The following RBSN variants were observed in gnomAD, a reference collection of about 807,000 sequenced individuals.
RBSN encodes the protein rabenosyn-5.
RBSN carries 34 observed loss-of-function variants against 60.5 expected under a neutral mutation model. The ratio of observed to expected loss-of-function variants is 0.56; its 90% confidence interval spans 0.43 to 0.75. The LOEUF is 0.75. Ranked by LOEUF, RBSN falls within the 30% of genes least tolerant of loss-of-function variation. RBSN has a pLI of 0.00. For synonymous variants in RBSN, 322 were observed against 366.9 expected (o/e 0.88, Z 1.40); for missense variants, 845 against 986.8 (o/e 0.86, Z 1.92).
chr3:15,093,686 G>A (rs749822875), intron 4 of RBSN, among the ~76,000 whole-genome samples: 8 of 151,750 alleles, frequency 5.3e-5, no homozygotes, highest in Non-Finnish European at 8.8e-5. Context: ...CACCGCACCC[G>A]GCTGAAGTAA....
intron 4 of RBSN, among the ~76,000 whole-genome samples, chr3:15,092,374 TA>T (rs2125182803): frequency 6.6e-6 from 1 of 152,186 alleles, no homozygotes; most frequent in Non-Finnish European, 1.5e-5. Flanking sequence ...GGACATCCTT[TA>T]AAATGCACTA....
chr3:15,076,984 G>T, intron 12 of RBSN, 78 bp downstream of exon 12: 3 of 1,184,224 alleles, frequency 2.5e-6, no homozygotes, highest in Non-Finnish European at 3.8e-6. Flanking sequence ...CAAGTCATTG[G>T]CATGGATCTG....
intron 10 of RBSN, among the ~76,000 whole-genome samples, chr3:15,079,858 C>T (rs1232503940): frequency 2.0e-5 from 3 of 151,266 alleles, no homozygotes; most frequent in Admixed American, 6.6e-5. Context: ...TGGTAATGTT[C>T]GCTAATTTTG....
intron 2 of RBSN, 35 bp downstream of exon 2, chr3:15,098,084 C>G (rs933155836): frequency 3.3e-5 from 5 of 152,522 alleles, no homozygotes; most frequent in Non-Finnish European, 7.3e-5. Context: ...CAGCCCAAAC[C>G]CAAACCTCAC....
chr3:15,090,381 A>G lies in RBSN; in HGVS notation c.289+18T>C. On this transcript the variant is annotated intron_variant, in intron 5 of 13. Transcript: ENST00000253699. The stretch of plus-strand genomic sequence containing the variant: ...TGCTCAATAACCACTTGCTGAATGA[A>G]TAAATGAATTTTCTTACCAAGCTCC... The G allele has an allele frequency of 6.2e-7, 1 of 1,611,326 alleles. No individual in the cohort carries two copies. Among genetic ancestry groups the G allele is most frequent in the Admixed American group, 1.7e-5 (1 of 59,174 alleles).
intron 12 of RBSN, among the ~76,000 whole-genome samples, 157 bp downstream of exon 12, chr3:15,076,905 T>G (rs555987366): frequency 5.3e-5 from 8 of 152,336 alleles, no homozygotes; most frequent in Non-Finnish European, 1.2e-4. Flanking sequence ...GAAATCCAGA[T>G]TTTTCTCTAA....
intron 4 of RBSN, chr3:15,095,759 G>C (rs1356894297): frequency 4.8e-6 from 3 of 622,846 alleles, no homozygotes; most frequent in Non-Finnish European, 8.2e-6. Flanking sequence ...TGTCTGGTTC[G>C]AAATGTGGCT....
intron 6 of RBSN, among the ~76,000 whole-genome samples, chr3:15,085,628 G>T (rs1032763930): frequency 6.6e-6 from 1 of 152,164 alleles, no homozygotes; most frequent in Non-Finnish European, 1.5e-5. Flanking sequence ...ATTCATAGGT[G>T]GGAAAAGGGA....
chr3:15,094,741 C>T (rs575740925), intron 4 of RBSN, among the ~76,000 whole-genome samples: 22 of 152,134 alleles, frequency 1.4e-4, no homozygotes, highest in Non-Finnish European at 3.1e-4. Flanking sequence ...ACTGTTTATG[C>T]TTTTAGAAAC....
intron 2 of RBSN, among the ~76,000 whole-genome samples, chr3:15,097,521 A>G (rs912737456): frequency 3.3e-5 from 5 of 151,186 alleles, no homozygotes; most frequent in Admixed American, 1.3e-4. Flanking sequence ...ATCTCAAAAA[A>G]GTAAATAAAT....
rs2043296875 is a variant in RBSN at position 15,084,830 on chromosome 3, T to C, written c.503A>G (p.Asn168Ser). The change falls in exon 8 of 14, where the codon AAT becomes AGT. Residue 168 changes from asparagine (N) to serine (S), a missense_variant. Asn to Ser is a conservative substitution (Grantham distance 46). Transcript: ENST00000253699. The surrounding 1 kb of genome is among the most constrained non-coding windows in gnomAD (Gnocchi z 4.2). ...QDVPFCPDCG[N>S]KFSIRNRRHH... ...GCGGCGGTTCCGGATGCTGAACTTA[T>C]TCCCACAGTCTGGACAGAAAGGGAC... 28 of 1,614,090 alleles carry C rather than the reference T, an allele frequency of 1.7e-5. No individual in the cohort carries two copies. The highest frequency in any genetic ancestry group is 2.2e-5 in the East Asian group (1 of 44,904).
In RBSN at chr3:15,082,257, A is replaced by AG; in HGVS notation, c.840+109_840+110insC. 7.0e-7 allele frequency: 1 copy of AG among 1,435,936 alleles called. No homozygotes were observed. Among genetic ancestry groups the AG allele is most frequent in the Non-Finnish European group, 9.5e-7 (1 of 1,050,362 alleles). 88.9% of individuals were successfully genotyped at this position (1,435,936 alleles called of 1,614,324 possible). On this transcript the variant is annotated intron_variant, in intron 9 of 13. Transcript: ENST00000253699. The surrounding 1 kb of genome is among the most constrained non-coding windows in gnomAD (Gnocchi z 4.2). ...GGGCCTTTAACAGGAACTACAAATA[A>AG]TTCAAACGAACAACTTCCCAAAGCA...
chr3:15,078,599 G>T (rs887765556), intron 10 of RBSN, among the ~76,000 whole-genome samples: 2 of 150,922 alleles, frequency 1.3e-5, no homozygotes, highest in African/African-American at 4.9e-5. Context: ...CATCTCTACT[G>T]AAAATACAAA....
intron 3 of RBSN, 85 bp downstream of exon 3, chr3:15,096,450 C>T: frequency 4.8e-6 from 1 of 209,384 alleles, no homozygotes; most frequent in Non-Finnish European, 9.4e-6. Flanking sequence ...AAGCAAGCTG[C>T]AAAACCTAAA....
chr3:15,078,776 ATACATAT>A (rs1428244784), intron 10 of RBSN, among the ~76,000 whole-genome samples: 798 of 56,234 alleles, frequency 0.014, 10 homozygotes, highest in Non-Finnish European at 0.016. Context: ...AAAAAAAAAA[ATACATAT>A]ATATATATAT....
rs2043073998 is a variant in RBSN, at chr3:15,077,140, C to T, written c.1023G>A (p.Leu341=). 1.2e-6 allele frequency: 2 copies of T among 1,613,912 alleles called. No individual in the cohort carries two copies. Among genetic ancestry groups the T allele is most frequent in the Non-Finnish European group, 1.7e-6 (2 of 1,179,970 alleles). The change falls in exon 12 of 14, where the codon TTG becomes TTA. Residue 341 remains leucine, a synonymous_variant. Coordinates refer to ENST00000253699, the MANE Select transcript of RBSN (RefSeq NM_022340.4). The surrounding 1 kb of genome is among the most constrained non-coding windows in gnomAD (Gnocchi z 4.4). The part of the protein sequence containing the change: ...ALSKKILTLG[L]NQDPPPHPSN... ...TTGGATGTGGTGGAGGGTCCTGGTT[C>T]AAGCCCAAGGTTAAGATCTTCTTAC...
chr3:15,090,196 A>G lies in RBSN; in HGVS notation c.289+203T>C, dbSNP rs553430068. Among the ~76,000 whole-genome samples, 17 of 152,284 alleles carry G rather than the reference A, an allele frequency of 1.1e-4. No homozygotes were observed. In the South Asian group the frequency reaches 3.1e-3, roughly 28 times the overall value. On this transcript the variant is annotated intron_variant, in intron 5 of 13. Coordinates refer to ENST00000253699, the MANE Select transcript of RBSN (RefSeq NM_022340.4). ...AAGATCTAACAAGACCATGGGTATAAGGCACTTAATGTAGTGCCTAACACA... is the reference window on the plus strand; with the variant it reads ...AAGATCTAACAAGACCATGGGTATAGGGCACTTAATGTAGTGCCTAACACA...
At position 15,078,307 on chromosome 3, in the gene RBSN, T is replaced by C. The variant is rs73818017; in HGVS notation, c.912-146A>G. 2,962 of 650,784 alleles carry C rather than the reference T, an allele frequency of 4.6e-3. 64 individuals are homozygous for C. The African/African-American group carries it at 0.047, about 10-fold the overall frequency. The allele number at this position is 650,784 out of a possible 1,614,324, so 40.3% of individuals were successfully genotyped here. ...TCAGACTTTCAGATATAATGCAGTG[T>C]CCATCTCTTGGAATGAATGAATCAA... On this transcript the variant is annotated intron_variant, in intron 10 of 13. Coordinates refer to ENST00000253699, the MANE Select transcript of RBSN (RefSeq NM_022340.4).
In RBSN at chr3:15,070,129, G is replaced by A. The variant is rs1210174041; in HGVS notation, c.*3653C>T. 1 of 152,534 alleles carries A rather than the reference G, an allele frequency of 6.6e-6. No individual in the cohort carries two copies. Among genetic ancestry groups the A allele is most frequent in the African/African-American group, 2.4e-5 (1 of 41,416 alleles). 9.4% of individuals were successfully genotyped at this position (152,534 alleles called of 1,614,324 possible). ...GGCTCCAATACAAGGCCCCAGAGTA[G>A]TGCATGCAAATCAACGACCCTCAAA... On this transcript the variant is annotated 3_prime_UTR_variant, in exon 14 of 14. Transcript: ENST00000253699.
Sources: allele counts gnomAD v4.1 joint callset (sites outside exome capture counted in the v4.1 genomes callset), GRCh38; gene constraint gnomAD v4.1.1; non-coding constraint Gnocchi (gnomAD v3.1); transcripts MANE v1.5; gene names NCBI Gene and HGNC (gene_info 2026-07-23, HGNC 2026-07-21).